The following NUDT3 variants were observed in gnomAD, a reference collection of about 807,000 sequenced individuals.
NUDT3 encodes diphosphoinositol polyphosphate phosphohydrolase 1.
A neutral mutation model predicts 23.6 loss-of-function variants in NUDT3; 9 were observed. The ratio of observed to expected loss-of-function variants is 0.38; its 90% CI spans 0.23 to 0.66. The LOEUF (loss-of-function observed/expected upper bound fraction) is 0.66. Among genes scored for constraint, NUDT3 ranks in the 30% least tolerant of loss-of-function variants. The probability of loss-of-function intolerance (pLI) is 0.52; values close to 1 mark genes in which losing one functional copy is unlikely to be tolerated. For missense variants in NUDT3, 172 were observed against 218.5 expected (o/e 0.79, Z 1.34); for synonymous variants, 86 against 82.6 (o/e 1.04, Z -0.22).
intron 2 of NUDT3, among the ~76,000 whole-genome samples, chr6:34,297,346 C>T (rs1156518625): frequency 2.0e-5 from 3 of 152,050 alleles, no homozygotes; most frequent in Non-Finnish European, 4.4e-5. Flanking sequence ...ACCAGTGAAG[C>T]TGCCTGACAA....
chr6:34,352,015 C>T (rs905957571), intron 1 of NUDT3, among the ~76,000 whole-genome samples: 7 of 151,620 alleles, frequency 4.6e-5, no homozygotes, highest in African/African-American at 1.2e-4. Context: ...GGCAACATGG[C>T]GAGGTCCTGT....
At chr6:34,322,284 G>A (rs1174044980) in intron 2 of NUDT3, among the ~76,000 whole-genome samples, 1 of 151,406 alleles carries the variant, frequency 6.6e-6, no homozygotes, top group African/African-American at 2.4e-5. Context: ...AGGCTGGAGT[G>A]CAGTGGCACG....
At chr6:34,327,041 G>C (rs1764046124) in intron 2 of NUDT3, among the ~76,000 whole-genome samples, 1 of 151,942 alleles carries the variant, frequency 6.6e-6, no homozygotes, top group South Asian at 2.1e-4. Context: ...GACCGGTAGT[G>C]GCCCTGAATG....
At chr6:34,324,564 C>T (rs1457130867) in intron 2 of NUDT3, among the ~76,000 whole-genome samples, 1 of 152,144 alleles carries the variant, frequency 6.6e-6, no homozygotes, top group Non-Finnish European at 1.5e-5. Flanking sequence ...GCCACTGCAC[C>T]CAGCATGTCT....
At chr6:34,372,433 A>G (rs1764846590) in intron 1 of NUDT3, among the ~76,000 whole-genome samples, 1 of 152,048 alleles carries the variant, frequency 6.6e-6, no homozygotes, top group Admixed American at 6.6e-5. Flanking sequence ...AATGATTGCT[A>G]TTCTAACTGG....
chr6:34,374,296 G>C (rs1349494532), intron 1 of NUDT3, among the ~76,000 whole-genome samples: 1 of 151,528 alleles, frequency 6.6e-6, no homozygotes, highest in Non-Finnish European at 1.5e-5. Context: ...CACTCTTTTG[G>C]TTCCAGTTCC....
rs1422630166 is a variant in NUDT3, at chr6:34,288,524, A to G, written c.*229T>C. On this transcript the variant is annotated 3_prime_UTR_variant, in exon 5 of 5. Coordinates refer to ENST00000607016, the MANE Select transcript of NUDT3 (RefSeq NM_006703.4). ...AAGAGGGAGGGACAGATCATGCACA[A>G]AAGTACTTACAAATTACACACCCAA... 1 of 537,430 alleles carries G rather than the reference A, an allele frequency of 1.9e-6. No individual in the cohort carries two copies. The highest frequency in any genetic ancestry group is 3.6e-5 in the East Asian group (1 of 27,662). The allele number at this position is 537,430 out of a possible 1,614,324, so 33.3% of individuals were successfully genotyped here. A position where few individuals can be genotyped will look rare whatever the true frequency, so the allele number is the denominator to read the frequency against.
rs186684928 is a variant in NUDT3 at position 34,287,402 on chromosome 6, C to T, written c.*1351G>A. ...ACACAATTGGCAAATGAAGCCAGCACGAAACTGTATCAAAAAACAAGAGAG... is the reference window on the plus strand; with the variant it reads ...ACACAATTGGCAAATGAAGCCAGCATGAAACTGTATCAAAAAACAAGAGAG... On this transcript the variant is annotated 3_prime_UTR_variant, in exon 5 of 5. Transcript: ENST00000607016. 3 of 152,156 alleles carry T rather than the reference C, an allele frequency of 2.0e-5. No individual in the cohort carries two copies. The highest frequency in any genetic ancestry group is 2.9e-5 in the Non-Finnish European group (2 of 68,044). The allele number at this position is 152,156 out of a possible 1,614,324, so 9.4% of individuals were successfully genotyped here. A position where few individuals can be genotyped will look rare whatever the true frequency, so the allele number is the denominator to read the frequency against.
chr6:34,313,196 AAAAT>A (rs974432275), intron 2 of NUDT3, among the ~76,000 whole-genome samples: 2 of 152,286 alleles, frequency 1.3e-5, no homozygotes, highest in African/African-American at 4.8e-5. Context: ...CCAGAAAAAT[AAAAT>A]AAAGACATGG....
chr6:34,349,189 C>G (rs1337613316), intron 1 of NUDT3, among the ~76,000 whole-genome samples: 1 of 152,114 alleles, frequency 6.6e-6, no homozygotes, highest in Non-Finnish European at 1.5e-5. Flanking sequence ...AGAAAGGTTA[C>G]TTTGACATAT....
chr6:34,360,406 T>C (rs950294997), intron 1 of NUDT3, among the ~76,000 whole-genome samples: 2 of 151,818 alleles, frequency 1.3e-5, no homozygotes, highest in Admixed American at 6.6e-5. Context: ...AAACCCTGTC[T>C]CTACTAAAAA....
intron 1 of NUDT3, among the ~76,000 whole-genome samples, chr6:34,349,444 GGGA>G (rs1457095956): frequency 1.0e-4 from 15 of 150,578 alleles, no homozygotes; most frequent in Non-Finnish European, 1.5e-5. Context: ...GGGAACCACA[GGGA>G]GGAGTTGTGA....
chr6:34,297,759 AATTTT>A (rs1484280842), intron 2 of NUDT3, among the ~76,000 whole-genome samples: 1,443 of 71,044 alleles, frequency 0.02, 34 homozygotes, highest in Middle Eastern at 0.04. Context: ...ATATATATAT[AATTTT>A]TTTTTTTTTT....
intron 1 of NUDT3, among the ~76,000 whole-genome samples, chr6:34,357,368 A>C (rs1297680421): frequency 6.6e-6 from 1 of 151,294 alleles, no homozygotes; most frequent in Non-Finnish European, 1.5e-5. Context: ...CTGTAATCCT[A>C]GCACTTTGGG....
chr6:34,363,709 T>C (rs1056870456), intron 1 of NUDT3, among the ~76,000 whole-genome samples: 2 of 152,160 alleles, frequency 1.3e-5, no homozygotes, highest in African/African-American at 4.8e-5. Flanking sequence ...AAGTTCCTCC[T>C]ACCCCCACAA....
chr6:34,313,786 C>A (rs1763815208), intron 2 of NUDT3, among the ~76,000 whole-genome samples: 1 of 151,522 alleles, frequency 6.6e-6, no homozygotes, highest in Middle Eastern at 3.2e-3. Context: ...CACAGTGAAA[C>A]CCTATCTCTA....
rs115640194 is a variant in NUDT3, at chr6:34,305,641, G to A, written c.211-9956C>T. ...GAGTTGATTGCTCAATTTACTTAACGTCCATTTAACTTTCTAATATAAGCA... is the reference window on the plus strand; with the variant it reads ...GAGTTGATTGCTCAATTTACTTAACATCCATTTAACTTTCTAATATAAGCA... On this transcript the variant is annotated intron_variant, in intron 2 of 4. Transcript: ENST00000607016. Among the ~76,000 whole-genome samples, 1,422 of 151,848 alleles carry A rather than the reference G, an allele frequency of 9.4e-3. 16 individuals carry two copies. Among genetic ancestry groups the A allele is most frequent in the African/African-American group, 0.029 (1,215 of 41,424 alleles).
intron 2 of NUDT3, among the ~76,000 whole-genome samples, chr6:34,321,048 G>A (rs141153160): frequency 2.6e-5 from 4 of 152,102 alleles, no homozygotes; most frequent in African/African-American, 7.2e-5. Context: ...GGAGGGAACC[G>A]CATGCATTAT....
chr6:34,311,910 A>T (rs1216398530), intron 2 of NUDT3, among the ~76,000 whole-genome samples: 1 of 152,056 alleles, frequency 6.6e-6, no homozygotes, highest in African/African-American at 2.4e-5. Flanking sequence ...TTGTACCCTT[A>T]AAAAAAATTA....
Sources: allele counts gnomAD v4.1 joint callset (sites outside exome capture counted in the v4.1 genomes callset), GRCh38; gene constraint gnomAD v4.1.1; transcripts MANE v1.5; gene names NCBI Gene and HGNC (gene_info 2026-07-23, HGNC 2026-07-21).